Variants in ANK3 observed in about 807,000 individuals in gnomAD.
ANK3 encodes ankyrin-3.
In ANK3, 57 loss-of-function variants were observed where a neutral mutation model predicts 370.9. The ratio of observed to expected loss-of-function variants is 0.15; its 90% CI spans 0.12 to 0.19. ANK3 has a LOEUF of 0.19. Among genes scored for constraint, ANK3 ranks in the 10% least tolerant of loss-of-function variants. ANK3 has a pLI of 1.00. For missense variants in ANK3, 4,439 were observed against 5,302.1 expected (o/e 0.84, Z 5.06); for synonymous variants, 1,929 against 1,946.3 (o/e 0.99, Z 0.23).
rs559879577 is a variant in ANK3, at chr10:60,176,762, AAAAT to A, written c.2185-3580_2185-3577del. ...TGACAAGAGCGAAACTTCGTCTCAA[AAAAT>A]AAATAAATAAATAAAATAAACAAAA... On this transcript the variant is annotated intron_variant, in intron 18 of 43. Transcript: ENST00000280772. Among the ~76,000 whole-genome samples, 11 of 151,810 alleles carry A rather than the reference AAAAT, an allele frequency of 7.2e-5. No individual in the cohort carries two copies. In the South Asian group the frequency reaches 1.0e-3, roughly 14 times the overall value.
At chr10:60,495,037 G>A (rs2075618299) in intron 2 of ANK3, among the ~76,000 whole-genome samples, 2 of 152,134 alleles carry the variant, frequency 1.3e-5, no homozygotes, top group Non-Finnish European at 2.9e-5. Flanking sequence ...AGGCAAGCCA[G>A]AACATGTCAT....
Position 60,213,460 on chromosome 10 carries a change from C to G in ANK3, c.948G>C (p.Val316=). 1 of 1,612,634 alleles carries G rather than the reference C, an allele frequency of 6.2e-7. No individual in the cohort carries two copies. Among genetic ancestry groups the G allele is most frequent in the Non-Finnish European group, 8.5e-7 (1 of 1,179,240 alleles). ...HCGARSGHEQ[V]VEMLLDRAAP... The stretch of plus-strand genomic sequence containing the variant: ...CAGCTCGATCAAGCAACATTTCTAC[C>G]ACCTGCTCGTGGCCACTCCTTGCTC... Residue 316 remains valine, a synonymous_variant, in exon 9 of 44, where the codon GTG becomes GTC. Coordinates refer to ENST00000280772, the MANE Select transcript of ANK3 (RefSeq NM_020987.5).
rs769882086 is a variant in ANK3 at position 60,069,055 on chromosome 10, C to T, written c.11826G>A (p.Lys3942=). 24 of 1,613,978 alleles carry T rather than the reference C, an allele frequency of 1.5e-5. No homozygotes were observed. The South Asian group carries it at 2.5e-4, about 17-fold the overall frequency. Residue 3942 remains lysine, a synonymous_variant, in exon 37 of 44, where the codon AAG becomes AAA. Transcript: ENST00000280772. ...TQKQGQPEKG[K]AKQLPSKLPV... is the part of the protein sequence containing the mutation. The stretch of plus-strand genomic sequence containing the variant: ...GCAACTTGGATGGAAGCTGTTTGGC[C>T]TTGCCTTTCTCTGGCTGCCCTTGCT...
chr10:60,278,121 AG>A, intron 4 of ANK3, among the ~76,000 whole-genome samples: 1 of 152,344 alleles, frequency 6.6e-6, no homozygotes, highest in South Asian at 2.1e-4. Context: ...TAAGATTTAT[AG>A]GAGGACCTAT....
At chr10:60,108,164 G>T (rs965220563) in intron 27 of ANK3, 6 of 434,440 alleles carry the variant, frequency 1.4e-5, no homozygotes, top group Non-Finnish European at 2.8e-5. Flanking sequence ...TAGACATTCT[G>T]TATCTTGTCT....
intron 36 of ANK3, among the ~76,000 whole-genome samples, chr10:60,076,903 T>C (rs1228797877): frequency 6.6e-6 from 1 of 152,226 alleles, no homozygotes; most frequent in Non-Finnish European, 1.5e-5. Context: ...AACTTTCATT[T>C]TAGTAATTTC....
At chr10:60,573,480 A>C (rs2077642378) in intron 2 of ANK3, among the ~76,000 whole-genome samples, 1 of 152,184 alleles carries the variant, frequency 6.6e-6, no homozygotes, top group Non-Finnish European at 1.5e-5. Context: ...TGTTTAGGGC[A>C]GTGCAGGTCT....
intron 8 of ANK3, among the ~76,000 whole-genome samples, chr10:60,215,046 T>C (rs910968211): frequency 3.9e-5 from 6 of 152,208 alleles, no homozygotes; most frequent in Non-Finnish European, 8.8e-5. Flanking sequence ...ATTTTAATAA[T>C]TGCCATTCTG....
At chr10:60,729,064 C>A (rs1205859944) in intron 1 of ANK3, among the ~76,000 whole-genome samples, 1 of 152,140 alleles carries the variant, frequency 6.6e-6, no homozygotes, top group African/African-American at 2.4e-5. Flanking sequence ...CCTAAGAGTG[C>A]CTTTTACAAG....
intron 24 of ANK3, among the ~76,000 whole-genome samples, chr10:60,136,911 A>AG (rs1224698819): frequency 6.6e-6 from 1 of 152,198 alleles, no homozygotes; most frequent in Non-Finnish European, 1.5e-5. Flanking sequence ...TGTAGCCATC[A>AG]GTACACCCTA....
intron 28 of ANK3, among the ~76,000 whole-genome samples, chr10:60,095,802 T>C (rs569239837): frequency 2.0e-5 from 3 of 152,378 alleles, no homozygotes; most frequent in African/African-American, 7.2e-5. Flanking sequence ...GTTTACTTAA[T>C]GAACATTTAC....
At chr10:60,085,082 CACA>C (rs1346412485) in intron 31 of ANK3, 72 bp downstream of exon 31, 11 of 1,250,338 alleles carry the variant, frequency 8.8e-6, no homozygotes, top group Admixed American at 2.4e-5. Flanking sequence ...TAGTATTGAA[CACA>C]ACAATTTTTA....
chr10:60,051,541 A>ACT, intron 42 of ANK3: 1 of 985,444 alleles, frequency 1.0e-6, no homozygotes, highest in Non-Finnish European at 1.2e-6. Flanking sequence ...AGCTTGAATC[A>ACT]CTCTCACTGT....
At chr10:60,450,966 G>A (rs2064586127) in intron 2 of ANK3, among the ~76,000 whole-genome samples, 1 of 152,220 alleles carries the variant, frequency 6.6e-6, no homozygotes. Flanking sequence ...CTTTGCAGAT[G>A]TAATTAAGGT....
chr10:60,116,648 G>GA (rs1471007257), intron 25 of ANK3, among the ~76,000 whole-genome samples: 4 of 149,820 alleles, frequency 2.7e-5, no homozygotes, highest in Admixed American at 2.0e-4. Context: ...CAAATATATT[G>GA]AAAAAAACCT....
intron 8 of ANK3, among the ~76,000 whole-genome samples, chr10:60,224,362 AT>A (rs2097105735): frequency 1.3e-5 from 2 of 152,270 alleles, no homozygotes; most frequent in South Asian, 4.1e-4. Flanking sequence ...CAGTAATCTT[AT>A]TAGTGAGGAG....
At chr10:60,569,098 A>C (rs1595297679) in intron 2 of ANK3, among the ~76,000 whole-genome samples, 1 of 152,056 alleles carries the variant, frequency 6.6e-6, no homozygotes, top group African/African-American at 2.4e-5. Flanking sequence ...AAAGAAAAAA[A>C]ATCTTTAAGT....
intron 1 of ANK3, among the ~76,000 whole-genome samples, chr10:60,628,616 A>G (rs1017585862): frequency 3.9e-5 from 6 of 152,334 alleles, no homozygotes; most frequent in African/African-American, 1.4e-4. Flanking sequence ...GTTTCAAGAA[A>G]ATAAAACAAT....
intron 43 of ANK3, among the ~76,000 whole-genome samples, chr10:60,040,053 A>G: frequency 6.6e-6 from 1 of 152,240 alleles, no homozygotes; most frequent in East Asian, 1.9e-4. Flanking sequence ...AGGATTAAAT[A>G]AGACAAAAAT....
Sources: allele counts gnomAD v4.1 joint callset (sites outside exome capture counted in the v4.1 genomes callset), GRCh38; gene constraint gnomAD v4.1.1; transcripts MANE v1.5; gene names NCBI Gene and HGNC (gene_info 2026-07-23, HGNC 2026-07-21).